Variants in SLC6A11 observed in about 807,000 individuals in gnomAD.
SLC6A11 encodes the protein solute carrier family 6 member 11.
Under a neutral mutation model 74.8 loss-of-function variants are expected in SLC6A11, and 25 were observed. The observed-to-expected ratio is 0.33, with a 90% CI of 0.24 to 0.47. The LOEUF (loss-of-function observed/expected upper bound fraction) is 0.47, where lower values mean the gene tolerates loss of function less well. Ranked by LOEUF, SLC6A11 falls within the 20% of genes least tolerant of loss-of-function variation. The probability of loss-of-function intolerance (pLI) is 1.00; values close to 1 mark genes in which losing one functional copy is unlikely to be tolerated. For synonymous variants in SLC6A11, 330 were observed against 330.2 expected (o/e 1.00, Z 0.01); for missense variants, 574 against 837.0 (o/e 0.69, Z 3.88).
chr3:10,903,201 T>C (rs1695262048), intron 6 of SLC6A11, among the ~76,000 whole-genome samples: 1 of 152,246 alleles, frequency 6.6e-6, no homozygotes, highest in Non-Finnish European at 1.5e-5. Context: ...GTCGGTCAGC[T>C]GATGCTGGCT....
intron 6 of SLC6A11, among the ~76,000 whole-genome samples, chr3:10,878,025 G>T (rs1411095471): frequency 6.6e-6 from 1 of 152,174 alleles, no homozygotes; most frequent in African/African-American, 2.4e-5. Context: ...AACTGTAGTA[G>T]CCCCCTAACT....
intron 5 of SLC6A11, among the ~76,000 whole-genome samples, chr3:10,849,023 A>G (rs953108371): frequency 3.9e-5 from 6 of 152,158 alleles, no homozygotes; most frequent in Non-Finnish European, 7.3e-5. Flanking sequence ...ACACAAATGC[A>G]TTGATCATAG....
At chr3:10,818,082 TTTTA>T (rs1158716593) in intron 1 of SLC6A11, among the ~76,000 whole-genome samples, 8 of 150,446 alleles carry the variant, frequency 5.3e-5, no homozygotes, top group African/African-American at 1.5e-4. Flanking sequence ...TTTTTTTTTT[TTTTA>T]AAAAAAAAGG....
intron 4 of SLC6A11, among the ~76,000 whole-genome samples, chr3:10,840,895 T>G (rs1483522339): frequency 1.3e-5 from 2 of 152,192 alleles, no homozygotes; most frequent in Non-Finnish European, 2.9e-5. Context: ...GCATTCATAC[T>G]TGAAAAGCCA....
chr3:10,885,594 T>C (rs1038447398), intron 6 of SLC6A11, among the ~76,000 whole-genome samples: 2 of 88,682 alleles, frequency 2.3e-5, no homozygotes, highest in Non-Finnish European at 4.0e-5. Context: ...ACAGCCCCCA[T>C]GATAAAAAAA....
intron 13 of SLC6A11, among the ~76,000 whole-genome samples, chr3:10,936,498 G>A (rs1427150716): frequency 6.6e-6 from 1 of 152,202 alleles, no homozygotes; most frequent in Non-Finnish European, 1.5e-5. Flanking sequence ...GCAAGCTCCA[G>A]CTCAGAGTCA....
intron 12 of SLC6A11, 151 bp downstream of exon 12, chr3:10,934,317 A>G (rs1037327782): frequency 6.0e-5 from 35 of 585,936 alleles, no homozygotes; most frequent in Admixed American, 5.6e-4. Context: ...AGCTGCACCC[A>G]TGGGCACAGG....
intron 6 of SLC6A11, among the ~76,000 whole-genome samples, chr3:10,904,662 C>T (rs905087214): frequency 6.6e-6 from 1 of 152,182 alleles, no homozygotes; most frequent in Admixed American, 6.5e-5. Context: ...GGCTCAGTTG[C>T]CTGGTCTTCC....
intron 10 of SLC6A11, among the ~76,000 whole-genome samples, 172 bp from the exon 11 acceptor site, chr3:10,932,979 G>C (rs1695710596): frequency 6.6e-6 from 1 of 152,144 alleles, no homozygotes; most frequent in South Asian, 2.1e-4. Context: ...GAATTAGGGG[G>C]CTCCCAGATG....
At chr3:10,899,011 G>A (rs1170191778) in intron 6 of SLC6A11, among the ~76,000 whole-genome samples, 1 of 152,086 alleles carries the variant, frequency 6.6e-6, no homozygotes, top group Non-Finnish European at 1.5e-5. Context: ...AAGCAAAACA[G>A]GTTTCCCCTT....
At position 10,891,498 on chromosome 3, in the gene SLC6A11, T is replaced by A. The variant is rs527265289; in HGVS notation, c.891+16403T>A. Among the ~76,000 whole-genome samples, 48 of 152,336 alleles carry A rather than the reference T, an allele frequency of 3.2e-4. 1 individual carries two copies. Among genetic ancestry groups the A allele is most frequent in the African/African-American group, 1.1e-3 (45 of 41,582 alleles). On this transcript the variant is annotated intron_variant, in intron 6 of 13. Coordinates refer to ENST00000254488, the MANE Select transcript of SLC6A11 (RefSeq NM_014229.3). ...GTGATTTCATATTTCATAATTTCCA[T>A]AGTTTTATATTCTGACACTAAATTT...
Position 10,926,014 on chromosome 3 carries a change from G to A in SLC6A11, c.1131G>A (p.Leu377=), listed in dbSNP as rs1057345344. The change falls in exon 9 of 14, where the codon CTG becomes CTA. Residue 377 remains leucine (L), a synonymous_variant. Transcript: ENST00000254488. This position sits in a 1 kb window ranked among gnomAD's most constrained non-coding sequence, Gnocchi z 5.7. The stretch of plus-strand genomic sequence containing the variant: ...TCTCCCTCGCTCCAGGCCCCGGCCT[G>A]GCCTTTATTGCGTACCCCAAGGCGG... ...IAEVAESGPG[L]AFIAYPKAVT... 1.2e-6 allele frequency: 2 copies of A among 1,607,904 alleles called. No individual in the cohort carries two copies. Among genetic ancestry groups the A allele is most frequent in the South Asian group, 1.1e-5 (1 of 90,862 alleles).
intron 4 of SLC6A11, among the ~76,000 whole-genome samples, chr3:10,841,141 A>G (rs1210048517): frequency 6.6e-6 from 1 of 152,116 alleles, no homozygotes; most frequent in Non-Finnish European, 1.5e-5. Flanking sequence ...ATGTAAATGG[A>G]TCCCTCTGCA....
intron 6 of SLC6A11, among the ~76,000 whole-genome samples, chr3:10,875,684 G>T (rs1230208221): frequency 6.6e-6 from 1 of 152,220 alleles, no homozygotes; most frequent in East Asian, 1.9e-4. Context: ...GCTATCAGTT[G>T]TCTTTGGTAA....
chr3:10,916,039 C>T (rs146081924), intron 7 of SLC6A11, among the ~76,000 whole-genome samples: 1 of 152,166 alleles, frequency 6.6e-6, no homozygotes, highest in Non-Finnish European at 1.5e-5. Flanking sequence ...GAAAGCATCA[C>T]GTGGGAGAAT....
chr3:10,844,964 C>T (rs1487689720), intron 5 of SLC6A11, among the ~76,000 whole-genome samples: 3 of 152,160 alleles, frequency 2.0e-5, no homozygotes, highest in East Asian at 1.9e-4. Flanking sequence ...ACCTGAGACA[C>T]GGTGTCACCT....
chr3:10,860,149 G>T (rs573361437), intron 5 of SLC6A11, among the ~76,000 whole-genome samples: 5 of 152,234 alleles, frequency 3.3e-5, no homozygotes, highest in African/African-American at 1.2e-4. Context: ...CCCTATTTCT[G>T]TGCCTTTCTA....
chr3:10,882,391 C>T (rs2046423), intron 6 of SLC6A11, among the ~76,000 whole-genome samples: 27,760 of 152,152 alleles, frequency 0.18, 3,186 homozygotes, highest in Middle Eastern at 0.29. Context: ...CACCACCCCA[C>T]GTGCTCCTGG....
At chr3:10,888,762 C>T (rs1049751749) in intron 6 of SLC6A11, among the ~76,000 whole-genome samples, 1 of 152,212 alleles carries the variant, frequency 6.6e-6, no homozygotes, top group African/African-American at 2.4e-5. Flanking sequence ...AAAAGAGGAA[C>T]AACCAAGTGC....
Sources: allele counts gnomAD v4.1 joint callset (sites outside exome capture counted in the v4.1 genomes callset), GRCh38; gene constraint gnomAD v4.1.1; non-coding constraint Gnocchi (gnomAD v3.1); transcripts MANE v1.5; gene names NCBI Gene and HGNC (gene_info 2026-07-23, HGNC 2026-07-21).